Variants in HEATR5A observed in about 807,000 individuals in gnomAD.
HEATR5A encodes the protein HEAT repeat-containing protein 5A.
HEATR5A carries 178 observed loss-of-function variants against 218.8 expected under a neutral mutation model. The observed-to-expected ratio is 0.81, with a 90% CI of 0.72 to 0.92. The LOEUF (loss-of-function observed/expected upper bound fraction) is 0.92. HEATR5A is among the 40% of genes least tolerant of loss of function. The pLI is 0.00. For missense variants in HEATR5A, 2,420 were observed against 2,418.9 expected, an observed-to-expected ratio of 1.00 and a Z score of -0.01; for synonymous variants, 864 against 871.6, an observed-to-expected ratio of 0.99 and a Z score of 0.15.
At position 31,321,399 on chromosome 14, in the gene HEATR5A, C is replaced by T. The variant is rs1900102675; in HGVS notation, c.3969+100G>A. ...CAAAGCTACCTACCCGCCTTGGCCT[C>T]CCGAAGTGCTGGGATTACAGGCATG... On this transcript the variant is annotated intron_variant, in intron 25 of 35. Transcript: ENST00000543095. 1.4e-5 allele frequency: 13 copies of T among 908,224 alleles called. No homozygotes were observed. The South Asian group carries it at 2.5e-4, about 17-fold the overall frequency. 56.3% of individuals were successfully genotyped at this position (908,224 alleles called of 1,614,324 possible). A position where few individuals can be genotyped will look rare whatever the true frequency, so the allele number is the denominator to read the frequency against.
chr14:31,404,091 A>G (rs915656656), intron 1 of HEATR5A, among the ~76,000 whole-genome samples: 1 of 152,230 alleles, frequency 6.6e-6, no homozygotes, highest in Non-Finnish European at 1.5e-5. Flanking sequence ...AACAAAAAGT[A>G]GAAAAAATTA....
At chr14:31,364,374 T>C in intron 13 of HEATR5A, 76 bp from the exon 14 acceptor site, 1 of 669,106 alleles carries the variant, frequency 1.5e-6, no homozygotes. Context: ...GCTTAATATC[T>C]TAACATATAA....
rs146959377 is a variant in HEATR5A at position 31,332,430 on chromosome 14, C to T, written c.3367+5046G>A. On this transcript the variant is annotated intron_variant, in intron 22 of 35. Coordinates refer to ENST00000543095, the MANE Select transcript of HEATR5A (RefSeq NM_015473.4). Reference sequence around the variant, plus strand: ...TCAAAATTAGGCCAATGAATAACACCGCAATGGCCTTGCAGTGTTCATGTG... The same window carrying T: ...TCAAAATTAGGCCAATGAATAACACTGCAATGGCCTTGCAGTGTTCATGTG... 4.2e-3 allele frequency among the ~76,000 whole-genome samples: 644 copies of T among 152,228 alleles called. 6 individuals are homozygous for T. Among genetic ancestry groups the T allele is most frequent in the Middle Eastern group, 0.017 (5 of 294 alleles).
At chr14:31,303,518 C>CTATA (rs1195960211) in intron 32 of HEATR5A, among the ~76,000 whole-genome samples, 2 of 152,122 alleles carry the variant, frequency 1.3e-5, no homozygotes, top group Non-Finnish European at 2.9e-5. Context: ...TACTAAATAC[C>CTATA]TATAATCTGC....
chr14:31,295,643 T>C lies in HEATR5A; in HGVS notation c.5619+266A>G, dbSNP rs145324818. 4.6e-4 allele frequency: 112 copies of C among 246,150 alleles called. 1 individual carries two copies. Among genetic ancestry groups the C allele is most frequent in the African/African-American group, 2.4e-3 (103 of 43,806 alleles). The allele number at this position is 246,150 out of a possible 1,614,324, so 15.2% of individuals were successfully genotyped here. On this transcript the variant is annotated intron_variant, in intron 34 of 35. Transcript: ENST00000543095. ...ATAAAAGTCCCTTATAAAGTTCCAG[T>C]GCTACATCAATCTTAAGATTCCTCC...
At chr14:31,358,138 G>A (rs558520578) in intron 16 of HEATR5A, among the ~76,000 whole-genome samples, 1 of 152,128 alleles carries the variant, frequency 6.6e-6, no homozygotes, top group Non-Finnish European at 1.5e-5. Context: ...CTATCCCTAC[G>A]CCATGGACGA....
intron 16 of HEATR5A, among the ~76,000 whole-genome samples, chr14:31,354,024 C>T: frequency 6.6e-6 from 1 of 151,966 alleles, no homozygotes; most frequent in Non-Finnish European, 1.5e-5. Flanking sequence ...TGGTCTTGAT[C>T]TCTTGGCCTC....
chr14:31,327,670 G>A (rs984151577), intron 22 of HEATR5A, among the ~76,000 whole-genome samples: 2 of 152,064 alleles, frequency 1.3e-5, no homozygotes, highest in African/African-American at 4.8e-5. Flanking sequence ...ATATATTAAC[G>A]TGAGAGTAAA....
chr14:31,301,406 C>T (rs1001956884), intron 33 of HEATR5A, among the ~76,000 whole-genome samples: 11 of 152,168 alleles, frequency 7.2e-5, no homozygotes, highest in African/African-American at 2.6e-4. Context: ...CAGGTGTGAG[C>T]CACTGCACCC....
intron 10 of HEATR5A, among the ~76,000 whole-genome samples, chr14:31,383,149 A>G (rs1197361325): frequency 2.6e-5 from 4 of 152,186 alleles, no homozygotes; most frequent in Non-Finnish European, 2.9e-5. Context: ...GACAATTTCA[A>G]TTTGAATCTA....
chr14:31,323,457 T>C (rs1595096719), intron 24 of HEATR5A, 108 bp downstream of exon 24: 2 of 847,268 alleles, frequency 2.4e-6, no homozygotes, highest in South Asian at 2.4e-5. Context: ...CCACTGTGTC[T>C]GGCTAGTTTC....
chr14:31,314,472 G>A (rs561594511), intron 27 of HEATR5A, among the ~76,000 whole-genome samples: 47 of 151,894 alleles, frequency 3.1e-4, no homozygotes, highest in Non-Finnish European at 5.6e-4. Flanking sequence ...GGTCAGGCTG[G>A]TCTCGAACTC....
chr14:31,393,499 C>T (rs182135392), intron 6 of HEATR5A, among the ~76,000 whole-genome samples: 1 of 152,222 alleles, frequency 6.6e-6, no homozygotes, highest in Admixed American at 6.5e-5. Context: ...TGACAGCAGA[C>T]CCTGTCACAC....
At chr14:31,375,903 T>C (rs1902209914) in intron 11 of HEATR5A, among the ~76,000 whole-genome samples, 2 of 152,164 alleles carry the variant, frequency 1.3e-5, no homozygotes, top group South Asian at 2.1e-4. Context: ...CCCAAACCCA[T>C]AGCTTTTCTC....
intron 5 of HEATR5A, among the ~76,000 whole-genome samples, chr14:31,394,695 G>A (rs1172995203): frequency 3.3e-5 from 5 of 152,132 alleles, no homozygotes; most frequent in East Asian, 1.9e-4. Context: ...GCAGGCACCT[G>A]TAGTCCTGGC....
chr14:31,400,578 A>T lies in HEATR5A; in HGVS notation c.127-66T>A, dbSNP rs529196202. 7.0e-5 allele frequency: 74 copies of T among 1,059,624 alleles called. 2 individuals are homozygous for T. The South Asian group carries it at 1.3e-3, about 19-fold the overall frequency. The allele number at this position is 1,059,624 out of a possible 1,614,324, so 65.6% of individuals were successfully genotyped here. On this transcript the variant is annotated intron_variant, in intron 2 of 35. Transcript: ENST00000543095. ...TAATTATCTGTAATCCCCTAATATA[A>T]TTTTTCTTTCATATATTTAAGAACT...
intron 16 of HEATR5A, among the ~76,000 whole-genome samples, chr14:31,354,574 T>C (rs1014048905): frequency 3.3e-5 from 5 of 152,220 alleles, no homozygotes; most frequent in Non-Finnish European, 7.3e-5. Context: ...AATACTGAAT[T>C]AGTACTCATA....
chr14:31,388,002 G>C (rs1350804222), intron 7 of HEATR5A, among the ~76,000 whole-genome samples: 2 of 152,154 alleles, frequency 1.3e-5, no homozygotes, highest in Non-Finnish European at 2.9e-5. Context: ...GGCTCCGAGA[G>C]ATTTAACATT....
intron 32 of HEATR5A, among the ~76,000 whole-genome samples, chr14:31,303,040 G>C (rs1158120667): frequency 4.6e-5 from 7 of 151,696 alleles, no homozygotes; most frequent in Non-Finnish European, 8.8e-5. Context: ...TGAGCCCAGG[G>C]GGTTGAGGCT....
Sources: gnomAD v4.1 joint callset for allele counts (sites outside exome capture counted in the v4.1 genomes callset) on GRCh38, gnomAD v4.1.1 for gene constraint, MANE v1.5 for transcripts, NCBI Gene and HGNC (gene_info 2026-07-23, HGNC 2026-07-21) for gene names.